Variants in TMTC1 observed in about 807,000 individuals in gnomAD.
TMTC1 encodes the protein protein O-mannosyl-transferase TMTC1.
In TMTC1, 73 loss-of-function variants were observed where a neutral mutation model predicts 104.8. That is an observed-to-expected ratio of 0.70 (90% CI 0.58 to 0.85). The LOEUF is 0.85. Among genes scored for constraint, TMTC1 ranks in the 40% least tolerant of loss-of-function variants. The pLI, the probability that TMTC1 is intolerant of heterozygous loss-of-function variation, is 0.00. For synonymous variants in TMTC1, 434 were observed against 428.7 expected (o/e 1.01, Z -0.15); for missense variants, 1,035 against 1,096.1 (o/e 0.94, Z 0.79).
chr12:29,526,804 T>C (rs12581201), intron 11 of TMTC1, among the ~76,000 whole-genome samples: 36,037 of 151,864 alleles, frequency 0.24, 4,487 homozygotes, highest in East Asian at 0.38. Context: ...TTGTTTTTTT[T>C]CTCCTGTGGC....
chr12:29,643,479 A>C (rs551772758), intron 5 of TMTC1, among the ~76,000 whole-genome samples: 1 of 65,848 alleles, frequency 1.5e-5, no homozygotes, highest in Admixed American at 2.0e-4. Flanking sequence ...TATATGATGG[A>C]ATATAAAAAA....
chr12:29,569,252 T>A (rs547379712), intron 9 of TMTC1, among the ~76,000 whole-genome samples: 1 of 152,316 alleles, frequency 6.6e-6, no homozygotes, highest in South Asian at 2.1e-4. Flanking sequence ...AGAATATTCA[T>A]GTCATACATA....
intron 5 of TMTC1, among the ~76,000 whole-genome samples, chr12:29,738,044 G>C (rs538633374): frequency 1.3e-5 from 2 of 152,248 alleles, no homozygotes; most frequent in South Asian, 4.1e-4. Context: ...CTTCAGATTA[G>C]GGTACAACAG....
chr12:29,675,677 C>T (rs141921984), intron 5 of TMTC1, among the ~76,000 whole-genome samples: 1 of 151,440 alleles, frequency 6.6e-6, no homozygotes, highest in African/African-American at 2.4e-5. Flanking sequence ...TAATCAAAAA[C>T]GAGTGTTTCT....
intron 17 of TMTC1, among the ~76,000 whole-genome samples, chr12:29,509,535 A>G (rs1943777170): frequency 6.6e-6 from 1 of 152,196 alleles, no homozygotes; most frequent in African/African-American, 2.4e-5. Context: ...TGACCTGGCA[A>G]TGGAAAAGAC....
intron 10 of TMTC1, among the ~76,000 whole-genome samples, chr12:29,540,994 C>A (rs1193853355): frequency 4.7e-5 from 7 of 149,272 alleles, no homozygotes; most frequent in Non-Finnish European, 4.4e-5. Context: ...GACTCTGTCT[C>A]AAAAAAAAAT....
intron 5 of TMTC1, among the ~76,000 whole-genome samples, chr12:29,717,245 G>A (rs1252483931): frequency 1.3e-5 from 2 of 152,020 alleles, no homozygotes; most frequent in Non-Finnish European, 2.9e-5. Flanking sequence ...AAAATTTTAG[G>A]TGCCAATATA....
chr12:29,531,445 TTTAA>T (rs1465205632), intron 11 of TMTC1, among the ~76,000 whole-genome samples: 33 of 152,348 alleles, frequency 2.2e-4, no homozygotes, highest in African/African-American at 7.5e-4. Context: ...GTGTTATCAT[TTTAA>T]TTAATTGTTT....
intron 9 of TMTC1, among the ~76,000 whole-genome samples, chr12:29,562,968 T>C (rs1945415172): frequency 1.3e-5 from 2 of 152,184 alleles, no homozygotes; most frequent in South Asian, 4.1e-4. Context: ...CTGTTGCTGA[T>C]AGCTTTCAAC....
intron 5 of TMTC1, among the ~76,000 whole-genome samples, chr12:29,716,026 TTATTA>T (rs869201675): frequency 2.7e-5 from 4 of 146,768 alleles, no homozygotes; most frequent in Non-Finnish European, 4.5e-5. Context: ...ATTATTATTA[TTATTA>T]TTTTAGAAAC....
chr12:29,708,982 T>C (rs1336907027), intron 5 of TMTC1, among the ~76,000 whole-genome samples: 1 of 152,186 alleles, frequency 6.6e-6, no homozygotes, highest in Non-Finnish European at 1.5e-5. Flanking sequence ...AGAATATCCT[T>C]TCAGACTAGT....
At chr12:29,695,799 A>ATATATATATATATATATATATATG (rs1941403830) in intron 5 of TMTC1, among the ~76,000 whole-genome samples, 1 of 48,480 alleles carries the variant, frequency 2.1e-5, no homozygotes, top group South Asian at 6.1e-4. Flanking sequence ...CTTTTTATAT[A>ATATATATATATATATATATATATG]TATATATATA....
chr12:29,654,749 A>G (rs1939677686), intron 5 of TMTC1, among the ~76,000 whole-genome samples: 3 of 152,158 alleles, frequency 2.0e-5, no homozygotes, highest in South Asian at 4.1e-4. Flanking sequence ...TGTATGGTAT[A>G]GCCATATAAT....
chr12:29,523,298 G>A (rs773449578), intron 11 of TMTC1, among the ~76,000 whole-genome samples: 20 of 152,246 alleles, frequency 1.3e-4, no homozygotes, highest in Non-Finnish European at 2.5e-4. Flanking sequence ...CCACTGCCAT[G>A]TGGTCAGGGA....
chr12:29,742,075 C>G (rs1479788747), intron 5 of TMTC1, among the ~76,000 whole-genome samples: 1 of 151,918 alleles, frequency 6.6e-6, no homozygotes, highest in East Asian at 1.9e-4. Context: ...CTTAAGGAAG[C>G]CAAATGAAAA....
rs1185120316 is a variant in TMTC1, at chr12:29,520,725, A to C, written c.1786-5T>G. The C allele has an allele frequency of 1.9e-6, 3 of 1,603,002 alleles. No homozygotes were observed. The South Asian group carries it at 3.4e-5, about 18-fold the overall frequency. On this transcript the variant is annotated splice_region_variant and splice_polypyrimidine_tract_variant and intron_variant, in intron 11 of 17. Coordinates refer to ENST00000539277, the MANE Select transcript of TMTC1 (RefSeq NM_001193451.2). ...TTCAGCTTCTTTAAACCGCTCCTTT[A>C]AAAAGAAAGAAACAAACAAAATAAG...
intron 5 of TMTC1, among the ~76,000 whole-genome samples, chr12:29,638,460 C>T (rs1938668723): frequency 6.6e-6 from 1 of 152,144 alleles, no homozygotes; most frequent in Admixed American, 6.5e-5. Flanking sequence ...CTCAATAAAA[C>T]CTTGCACCCA....
At chr12:29,591,626 T>A (rs1946283522) in intron 7 of TMTC1, among the ~76,000 whole-genome samples, 1 of 152,174 alleles carries the variant, frequency 6.6e-6, no homozygotes, top group African/African-American at 2.4e-5. Context: ...CAGAGACACC[T>A]CTCTCCATAA....
At chr12:29,634,136 C>T (rs1181474060) in intron 5 of TMTC1, among the ~76,000 whole-genome samples, 5 of 152,164 alleles carry the variant, frequency 3.3e-5, no homozygotes, top group Non-Finnish European at 7.3e-5. Context: ...AAAATGCTTA[C>T]CTGAGAAATG....
Sources: gnomAD v4.1 joint callset for allele counts (sites outside exome capture counted in the v4.1 genomes callset) on GRCh38, gnomAD v4.1.1 for gene constraint, MANE v1.5 for transcripts, NCBI Gene and HGNC (gene_info 2026-07-23, HGNC 2026-07-21) for gene names.